PDE12: variants seen among roughly 807,000 people sequenced by gnomAD.
PDE12 encodes the protein 2',5'-phosphodiesterase 12.
A neutral mutation model predicts 45.4 loss-of-function variants in PDE12; 26 were observed. The ratio of observed to expected loss-of-function variants is 0.57; its 90% CI spans 0.42 to 0.79. The LOEUF (loss-of-function observed/expected upper bound fraction) is 0.79. Ranked by LOEUF, PDE12 falls within the 30% of genes least tolerant of loss-of-function variation. The probability of loss-of-function intolerance (pLI) is 0.00; values close to 1 mark genes in which losing one functional copy is unlikely to be tolerated. For synonymous variants in PDE12, 283 were observed against 323.9 expected (o/e 0.87, Z 1.36); for missense variants, 668 against 790.0 (o/e 0.85, Z 1.85).
At chr3:57,615,679 C>CT in the PDE12 span, among the ~76,000 whole-genome samples, 1 of 152,002 alleles carries the variant, frequency 6.6e-6, no homozygotes, top group Non-Finnish European at 1.5e-5. Context: ...TGGTGTGCTC[C>CT]TGTAATCCTG....
At chr3:57,599,236 C>G in the PDE12 span, among the ~76,000 whole-genome samples, 2 of 152,146 alleles carry the variant, frequency 1.3e-5, no homozygotes, top group African/African-American at 4.8e-5. Context: ...GGTTGCATTC[C>G]TTTGAGTTTC....
At chr3:57,585,927 G>A in the PDE12 span, among the ~76,000 whole-genome samples, 3 of 152,074 alleles carry the variant, frequency 2.0e-5, no homozygotes. Context: ...CTCTCAAAGT[G>A]CTGTGATTAC....
At chr3:57,628,431 G>T in the PDE12 span, 1 of 1,479,060 alleles carries the variant, frequency 6.8e-7, no homozygotes, top group South Asian at 1.4e-5. Context: ...CATTTTAAAG[G>T]TCTAACAATT....
chr3:57,605,182 G>C, the PDE12 span, among the ~76,000 whole-genome samples: 1 of 152,104 alleles, frequency 6.6e-6, no homozygotes, highest in African/African-American at 2.4e-5. Flanking sequence ...GCACAGAAAC[G>C]GAACAGAGTA....
the PDE12 span, among the ~76,000 whole-genome samples, chr3:57,637,132 A>T: frequency 2.0e-5 from 3 of 152,178 alleles, no homozygotes; most frequent in African/African-American, 7.2e-5. Flanking sequence ...TATCACATTT[A>T]ATCTTCACAA....
chr3:57,606,926 C>G, the PDE12 span, among the ~76,000 whole-genome samples: 1 of 152,114 alleles, frequency 6.6e-6, no homozygotes, highest in African/African-American at 2.4e-5. Context: ...AGTCTGAGAT[C>G]TGAGAACGGA....
the PDE12 span, among the ~76,000 whole-genome samples, chr3:57,606,815 A>G: frequency 6.6e-6 from 1 of 152,176 alleles, no homozygotes; most frequent in Admixed American, 6.5e-5. Context: ...CCGAATAGGA[A>G]CAGCTCCAGT....
At chr3:57,623,093 C>A in the PDE12 span, among the ~76,000 whole-genome samples, 1 of 152,014 alleles carries the variant, frequency 6.6e-6, no homozygotes, top group African/African-American at 2.4e-5. Context: ...GTCTATTGTA[C>A]CTCAATAAAG....
the PDE12 span, among the ~76,000 whole-genome samples, chr3:57,610,184 A>C: frequency 7.2e-5 from 11 of 152,214 alleles, no homozygotes; most frequent in African/African-American, 2.6e-4. Context: ...AAATTCAACA[A>C]CGCTTCATGC....
chr3:57,591,260 GA>G, the PDE12 span, among the ~76,000 whole-genome samples: 20,287 of 152,112 alleles, frequency 0.13, 1,441 homozygotes, highest in South Asian at 0.21. Context: ...ACTTGTTCAT[GA>G]ATGTTGAAGA....
the PDE12 span, among the ~76,000 whole-genome samples, chr3:57,608,239 A>G: frequency 1.3e-5 from 2 of 152,202 alleles, no homozygotes; most frequent in African/African-American, 4.8e-5. Context: ...TGAAGGAAGC[A>G]CTAAACATGG....
downstream of PDE12, among the ~76,000 whole-genome samples, chr3:57,567,768 G>A (rs936955626): frequency 1.3e-5 from 2 of 152,190 alleles, no homozygotes; most frequent in Non-Finnish European, 1.5e-5. Context: ...GCTACCAGAA[G>A]GTACAAGCAC....
the PDE12 span, chr3:57,654,590 T>C: frequency 2.2e-5 from 21 of 969,118 alleles, 1 homozygote; most frequent in Admixed American, 1.2e-3. Context: ...TGTCCCTGAC[T>C]CTAAGGCAAG....
At chr3:57,648,493 C>T in the PDE12 span, among the ~76,000 whole-genome samples, 3 of 152,074 alleles carry the variant, frequency 2.0e-5, no homozygotes, top group Non-Finnish European at 2.9e-5. Flanking sequence ...TCCCATCATT[C>T]GTCACAGAAC....
chr3:57,598,679 G>A, the PDE12 span, among the ~76,000 whole-genome samples: 1 of 152,160 alleles, frequency 6.6e-6, no homozygotes, highest in African/African-American at 2.4e-5. Flanking sequence ...TACTCCGGAG[G>A]CTGAGGCAGA....
chr3:57,641,214 TA>T, the PDE12 span, among the ~76,000 whole-genome samples: 1 of 144,410 alleles, frequency 6.9e-6, no homozygotes, highest in African/African-American at 2.5e-5. Flanking sequence ...ATTTAAGTAA[TA>T]AAAATATATA....
At chr3:57,569,511 C>CATG (rs2069815742), downstream of PDE12, among the ~76,000 whole-genome samples, 1 of 152,068 alleles carries the variant, frequency 6.6e-6, no homozygotes, top group Non-Finnish European at 1.5e-5. Context: ...CACCACCATG[C>CATG]ATGGCTAGTT....
chr3:57,595,867 C>T, the PDE12 span, among the ~76,000 whole-genome samples: 1 of 151,958 alleles, frequency 6.6e-6, no homozygotes, highest in African/African-American at 2.4e-5. Flanking sequence ...AGGAGAATCT[C>T]TTGAACCCGG....
chr3:57,558,379 C>G (rs1466078268), intron 1 of PDE12, among the ~76,000 whole-genome samples: 1 of 152,172 alleles, frequency 6.6e-6, no homozygotes, highest in East Asian at 1.9e-4. Flanking sequence ...GTATTCAAAC[C>G]CAGGTCTGCC....
Sources: gnomAD v4.1 joint callset for allele counts (sites outside exome capture counted in the v4.1 genomes callset) on GRCh38, gnomAD v4.1.1 for gene constraint, MANE v1.5 for transcripts, NCBI Gene and HGNC (gene_info 2026-07-23, HGNC 2026-07-21) for gene names.